TCF4: variants seen among roughly 807,000 people sequenced by gnomAD.
The protein encoded by TCF4 is transcription factor 4.
In TCF4, 3 loss-of-function variants were observed where a neutral mutation model predicts 82.1. That is an observed-to-expected ratio of 0.04 (90% CI 0.02 to 0.09). TCF4 has a LOEUF of 0.09. Ranked by LOEUF, TCF4 falls within the 10% of genes least tolerant of loss-of-function variation. The pLI is 1.00. For missense variants in TCF4, 518 were observed against 852.7 expected (o/e 0.61, Z 4.89); for synonymous variants, 276 against 309.6 (o/e 0.89, Z 1.14).
At chr18:55,494,467 T>C (rs2096611052) in intron 3 of TCF4, among the ~76,000 whole-genome samples, 1 of 152,074 alleles carries the variant, frequency 6.6e-6, no homozygotes, top group Non-Finnish European at 1.5e-5. Context: ...CTTATTAAAA[T>C]TACATTAAAA....
At chr18:55,440,546 G>A (rs913800636) in intron 5 of TCF4, among the ~76,000 whole-genome samples, 13 of 152,234 alleles carry the variant, frequency 8.5e-5, no homozygotes, top group African/African-American at 2.2e-4. Flanking sequence ...TCCATCGTCC[G>A]TCAATACATT....
At chr18:55,390,422 G>A (rs932082925) in intron 6 of TCF4, among the ~76,000 whole-genome samples, 1 of 151,998 alleles carries the variant, frequency 6.6e-6, no homozygotes, top group Admixed American at 6.6e-5. Context: ...CACAGGGTGA[G>A]TTTCCTAATA....
At position 55,242,317 on chromosome 18, in the gene TCF4, C is replaced by G. The variant is rs78071632; in HGVS notation, c.1351-7634G>C. 1.3e-3 allele frequency among the ~76,000 whole-genome samples: 196 copies of G among 152,302 alleles called. 1 individual carries two copies. The highest frequency in any genetic ancestry group is 4.5e-3 in the African/African-American group (188 of 41,570). The stretch of plus-strand genomic sequence containing the variant: ...CCATTCGTAAAGCCTATACTTGTCT[C>G]CATTTGTGGGCATCCCATCCCAAGG... On this transcript the variant is annotated intron_variant, in intron 15 of 19. Coordinates refer to ENST00000354452, the MANE Select transcript of TCF4 (RefSeq NM_001083962.2).
At chr18:55,484,872 G>T (rs2096493155) in intron 3 of TCF4, among the ~76,000 whole-genome samples, 1 of 152,062 alleles carries the variant, frequency 6.6e-6, no homozygotes, top group Non-Finnish European at 1.5e-5. Flanking sequence ...GCAGTTTTTG[G>T]TATAATTGCT....
At chr18:55,286,523 G>A (rs2063727100) in intron 8 of TCF4, among the ~76,000 whole-genome samples, 1 of 152,136 alleles carries the variant, frequency 6.6e-6, no homozygotes, top group South Asian at 2.1e-4. Context: ...CCTTCCTAAA[G>A]TCTTTCCTAA....
chr18:55,281,138 G>A (rs1348754455), intron 8 of TCF4, among the ~76,000 whole-genome samples: 1 of 152,114 alleles, frequency 6.6e-6, no homozygotes, highest in Non-Finnish European at 1.5e-5. Flanking sequence ...TGTATAAACA[G>A]TGATTTGCTT....
At chr18:55,422,125 CA>C (rs555892552) in intron 5 of TCF4, 57,130 of 319,558 alleles carry the variant, frequency 0.18, 274 homozygotes, top group Non-Finnish European at 0.2. Context: ...CACTATCATC[CA>C]AAAAAAAAAA....
intron 3 of TCF4, among the ~76,000 whole-genome samples, chr18:55,514,194 G>A (rs2096856464): frequency 6.6e-6 from 1 of 152,062 alleles, no homozygotes. Context: ...GTTCTCTGAA[G>A]AGAACCAAAT....
chr18:55,488,110 T>G (rs1277243946), intron 3 of TCF4, among the ~76,000 whole-genome samples: 1 of 152,234 alleles, frequency 6.6e-6, no homozygotes, highest in Non-Finnish European at 1.5e-5. Flanking sequence ...AAAACTATTC[T>G]CAATATTTAT....
intron 3 of TCF4, among the ~76,000 whole-genome samples, chr18:55,584,514 T>C (rs1309805849): frequency 1.4e-5 from 2 of 147,938 alleles, no homozygotes; most frequent in Non-Finnish European, 3.0e-5. Flanking sequence ...ACTCTGCACT[T>C]TTAATAAGAG....
intron 8 of TCF4, among the ~76,000 whole-genome samples, chr18:55,336,394 A>T (rs1200158479): frequency 6.6e-6 from 1 of 152,074 alleles, no homozygotes; most frequent in Non-Finnish European, 1.5e-5. Context: ...GCTACTAACC[A>T]TGTGCACGTG....
At chr18:55,631,893 C>T (rs2097731939) in intron 1 of TCF4, among the ~76,000 whole-genome samples, 1 of 152,172 alleles carries the variant, frequency 6.6e-6, no homozygotes, top group Non-Finnish European at 1.5e-5. Flanking sequence ...CAGGGCCCTT[C>T]CTCCAAGTTT....
chr18:55,539,025 C>T lies in TCF4; in HGVS notation c.145+46255G>A, dbSNP rs560518365. Among the ~76,000 whole-genome samples the T allele has an allele frequency of 4.0e-5, 6 of 151,796 alleles. No homozygotes were observed. The East Asian group carries it at 9.7e-4, about 24-fold the overall frequency. ...ACTCCTCCAAACACACTCTCACACACGTGCGCGCACACACACTCCATTTAA... is the reference window on the plus strand; with the variant it reads ...ACTCCTCCAAACACACTCTCACACATGTGCGCGCACACACACTCCATTTAA... On this transcript the variant is annotated intron_variant, in intron 3 of 19. Coordinates refer to ENST00000354452, the MANE Select transcript of TCF4 (RefSeq NM_001083962.2).
At chr18:55,589,343 T>A (rs2147915817), upstream of TCF4, 1 of 1,052,970 alleles carries the variant, frequency 9.5e-7, no homozygotes, top group East Asian at 5.4e-5. Context: ...GAAAGAGACT[T>A]TAAAAAGAGA....
At chr18:55,605,766 T>C (rs1056537188) in intron 2 of TCF4, among the ~76,000 whole-genome samples, 2 of 152,196 alleles carry the variant, frequency 1.3e-5, no homozygotes, top group Admixed American at 6.5e-5. Flanking sequence ...ATATTAGTAC[T>C]CCGCATTTTG....
chr18:55,464,234 G>T, intron 3 of TCF4, 97 bp from the exon 4 acceptor site: 2 of 1,107,846 alleles, frequency 1.8e-6, no homozygotes, highest in Non-Finnish European at 2.8e-6. Flanking sequence ...ATCTCCTGTT[G>T]CCTTTAATTA....
intron 5 of TCF4, among the ~76,000 whole-genome samples, chr18:55,449,898 A>T (rs369523941): frequency 1.3e-4 from 20 of 150,794 alleles, no homozygotes; most frequent in African/African-American, 4.5e-4. Flanking sequence ...GTTCTGCCAG[A>T]ATTCACTACA....
chr18:55,237,016 A>G (rs2049669652), intron 15 of TCF4, among the ~76,000 whole-genome samples: 1 of 152,198 alleles, frequency 6.6e-6, no homozygotes, highest in Admixed American at 6.5e-5. Context: ...ATATTCAGTT[A>G]CTGCTCCTGA....
intron 3 of TCF4, among the ~76,000 whole-genome samples, chr18:55,489,618 AAAAAC>A (rs1199143606): frequency 1.3e-5 from 2 of 152,140 alleles, no homozygotes; most frequent in Non-Finnish European, 2.9e-5. Flanking sequence ...AAACAAACAA[AAAAAC>A]AAAAGAAACC....
Sources: gnomAD v4.1 joint callset for allele counts (sites outside exome capture counted in the v4.1 genomes callset) on GRCh38, gnomAD v4.1.1 for gene constraint, MANE v1.5 for transcripts, NCBI Gene and HGNC (gene_info 2026-07-23, HGNC 2026-07-21) for gene names.